The following IGSF1 variants were observed in gnomAD, a reference collection of about 807,000 sequenced individuals.
IGSF1 encodes the protein immunoglobulin superfamily member 1.
Under a neutral mutation model 95.3 loss-of-function variants are expected in IGSF1, and 40 were observed. The observed-to-expected ratio is 0.42, with a 90% CI of 0.33 to 0.55. The LOEUF is 0.55. Ranked by LOEUF, IGSF1 falls within the 20% of genes least tolerant of loss-of-function variation. The pLI is 0.10. For synonymous variants in IGSF1, 372 were observed against 382.9 expected (o/e 0.97, Z 0.33); for missense variants, 906 against 1,025.4 (o/e 0.88, Z 1.59).
intron 13 of IGSF1, 98 bp from the exon 14 acceptor site, chrX:131,277,324 G>C: frequency 1.2e-6 from 1 of 828,730 alleles, no homozygotes; most frequent in Non-Finnish European, 1.7e-6. Context: ...GCAAATATTG[G>C]TTCTCGGAGG....
chrX:131,287,384 C>T (rs2080659233), intron 1 of IGSF1, among the ~76,000 whole-genome samples: 1 of 109,959 alleles, frequency 9.1e-6, no homozygotes, highest in African/African-American at 3.3e-5. Context: ...GATTTAAACT[C>T]CCAGAGGTAC....
chrX:131,281,861 A>T lies in IGSF1; in HGVS notation c.1330T>A (p.Ser444Thr). 1.7e-6 allele frequency: 2 copies of T among 1,209,079 alleles called. No individual in the cohort carries two copies. The highest frequency in any genetic ancestry group is 2.2e-6 in the Non-Finnish European group (2 of 893,354). The change falls in exon 8 of 20, where the codon TCT (serine) becomes ACT (threonine). Residue 444 changes from serine to threonine, a missense_variant. This residue lies in a region of IGSF1 where 442 missense variants were observed against 448.1 expected (regional missense o/e 0.99). Transcript: ENST00000361420. ...AGAGAAAATTCCAGTACTGGATGAG[A>T]TACTCGGCACTGAAGGGTGATGGCC... The part of the protein sequence containing the change: ...GKAITLQCRV[S>T]HPVLEFSLEW...
Position 131,279,123 on chromosome X carries a change from C to G in IGSF1, c.1750+20G>C. The G allele has an allele frequency of 8.4e-7, 1 of 1,192,825 alleles. No homozygotes were observed. On this transcript the variant is annotated intron_variant, in intron 11 of 19. Transcript: ENST00000361420. ...GATCTCCAGGGAGGAATGTCCCAGTCTGGAGCAGGAAAAACTCACCAGTCT... is the reference window on the plus strand; with the variant it reads ...GATCTCCAGGGAGGAATGTCCCAGTGTGGAGCAGGAAAAACTCACCAGTCT...
rs772833108 is a variant in IGSF1, at chrX:131,285,396, G to A, written c.450C>T (p.Ile150=). Residue 150 remains isoleucine (I), a synonymous_variant, in exon 5 of 20, where the codon ATC becomes ATT. Transcript: ENST00000361420. ...TPALPGCNVN[I]LCHGWLQDLV... is the part of the protein sequence containing the mutation. Reference sequence around the variant, plus strand: ...AATCCTGCAGCCAGCCATGGCAGAGGATGTTAACATTACACCCAGGAAGAG... The same window carrying A: ...AATCCTGCAGCCAGCCATGGCAGAGAATGTTAACATTACACCCAGGAAGAG... 1.7e-6 allele frequency: 2 copies of A among 1,210,972 alleles called. No individual in the cohort carries two copies. Among genetic ancestry groups the A allele is most frequent in the Non-Finnish European group, 2.2e-6 (2 of 894,629 alleles).
chrX:131,282,297 C>T lies in IGSF1; in HGVS notation c.1246+147G>A, dbSNP rs2080572664. On this transcript the variant is annotated intron_variant, in intron 7 of 19. Transcript: ENST00000361420. ...AAAGTTTTGGAAGAAAGTTCTACAC[C>T]ACCTTCCTAGTGCGTGTGTGTGTGT... 22 of 465,512 alleles carry T rather than the reference C, an allele frequency of 4.7e-5. 1 individual carries two copies. The South Asian group carries it at 7.9e-4, about 17-fold the overall frequency. 38.4% of individuals were successfully genotyped at this position (465,512 alleles called of 1,213,427 possible). A position where few individuals can be genotyped will look rare whatever the true frequency, so the allele number is the denominator to read the frequency against.
chrX:131,279,244 G>A lies in IGSF1; in HGVS notation c.1717+27C>T. The A allele has an allele frequency of 5.0e-6, 6 of 1,208,199 alleles. No individual in the cohort carries two copies. In the South Asian group the frequency reaches 5.3e-5, roughly 11 times the overall value. The stretch of plus-strand genomic sequence containing the variant: ...GGGACTTCACCCCGGCCTTCTGCCC[G>A]GGGCCCCTTCCCCCACTTGTACTCA... On this transcript the variant is annotated intron_variant, in intron 10 of 19. Coordinates refer to ENST00000361420, the MANE Select transcript of IGSF1 (RefSeq NM_001555.5).
intron 15 of IGSF1, 93 bp downstream of exon 15, chrX:131,275,867 TC>T: frequency 8.8e-7 from 1 of 1,142,607 alleles, no homozygotes; most frequent in Non-Finnish European, 1.2e-6. Flanking sequence ...GTAGTTCCCC[TC>T]CGTGGCCTAG....
Position 131,282,623 on chromosome X carries a change from T to G in IGSF1, c.1067A>C (p.Lys356Thr). Reference sequence around the variant, plus strand: ...TTGAAGTGGTTTGTCTTCTCCTTTCTTATAGAGTGCAAGACCCACTCCATC... The same window carrying G: ...TTGAAGTGGTTTGTCTTCTCCTTTCGTATAGAGTGCAAGACCCACTCCATC... ...PVDGVGLALY[K>T]KGEDKPLQFL... The change falls in exon 7 of 20, where the codon AAG becomes ACG. Residue 356 changes from lysine to threonine, a missense_variant. Around this residue, in one of 5 missense-constraint regions of IGSF1, gnomAD observed 442 missense variants for 448.1 expected, o/e 0.99. Transcript: ENST00000361420. 4 of 1,210,668 alleles carry G rather than the reference T, an allele frequency of 3.3e-6. No homozygotes were observed. The highest frequency in any genetic ancestry group is 3.4e-6 in the Non-Finnish European group (3 of 894,562).
At chrX:131,282,306 A>AGT (rs1191840797) in intron 7 of IGSF1, 138 bp downstream of exon 7, 2 of 454,927 alleles carry the variant, frequency 4.4e-6, no homozygotes, top group Non-Finnish European at 7.2e-6. Flanking sequence ...CCACCTTCCT[A>AGT]GTGCGTGTGT....
chrX:131,275,454 C>A, intron 16 of IGSF1, 24 bp downstream of exon 16: 1 of 1,199,130 alleles, frequency 8.3e-7, no homozygotes, highest in South Asian at 1.8e-5. Context: ...CTTCCATGCC[C>A]ACTCGACAGC....
intron 14 of IGSF1, 67 bp from the exon 15 acceptor site, chrX:131,276,315 G>T: frequency 1.1e-6 from 1 of 944,016 alleles, no homozygotes; most frequent in Non-Finnish European, 1.5e-6. Flanking sequence ...GCCTTTTAAA[G>T]TGTTATTGTA....
intron 9 of IGSF1, among the ~76,000 whole-genome samples, chrX:131,280,418 CG>C (rs1406293505): frequency 3.6e-5 from 4 of 110,982 alleles, no homozygotes; most frequent in African/African-American, 1.3e-4. Flanking sequence ...AGTTGCAGGG[CG>C]GGGGGTACAG....
Position 131,281,706 on chromosome X carries a change from C to T in IGSF1, c.1485G>A (p.Trp495Ter). 8.3e-7 allele frequency: 1 copy of T among 1,211,199 alleles called. No individual in the cohort carries two copies. Among genetic ancestry groups the T allele is most frequent in the Non-Finnish European group, 1.1e-6 (1 of 895,116 alleles). ...GCTTCAGGGGCTCACTGCGATGTGACCAGATGTTAGGATGTGTCTCTACGC... is the reference window on the plus strand; with the variant it reads ...GCTTCAGGGGCTCACTGCGATGTGATCAGATGTTAGGATGTGTCTCTACGC... The part of the protein sequence containing the change: ...SYRVETHPNI[W>*]SHRSEPLKLM... Residue 495 changes from tryptophan to a stop codon, truncating the protein, a stop_gained, in exon 8 of 20, where the codon TGG becomes TGA. Coordinates refer to ENST00000361420, the MANE Select transcript of IGSF1 (RefSeq NM_001555.5). LOFTEE classifies it high-confidence loss of function.
In IGSF1 at chrX:131,276,064, A is replaced by G; in HGVS notation, c.2793T>C (p.Thr931=). 8.3e-7 allele frequency: 1 copy of G among 1,208,269 alleles called. No homozygotes were observed. The highest frequency in any genetic ancestry group is 1.1e-6 in the Non-Finnish European group (1 of 893,011). The change falls in exon 15 of 20, where the codon ACT becomes ACC. Residue 931 remains threonine, a synonymous_variant. Coordinates refer to ENST00000361420, the MANE Select transcript of IGSF1 (RefSeq NM_001555.5). ...AGTTCCCAGAGTCCTCTGCTCCAAC[A>G]GTGTGGAGAAGGAAGTCAGCTGAGT... ...SGNSADFLLH[T]VGAEDSGNYS...
At chrX:131,279,009 C>T in intron 11 of IGSF1, 134 bp downstream of exon 11, 1 of 745,347 alleles carries the variant, frequency 1.3e-6, no homozygotes. Flanking sequence ...ATTTTGCCAG[C>T]AGCTTTAGCA....
Position 131,277,827 on chromosome X carries a change from C to G in IGSF1, c.2320+29G>C, listed in dbSNP as rs200521746. On this transcript the variant is annotated intron_variant, in intron 13 of 19. Coordinates refer to ENST00000361420, the MANE Select transcript of IGSF1 (RefSeq NM_001555.5). ...TTTGCCTTTCCCTCCACCCTGCCCCCTTTCCTCCCACACCCTTTTCAGCTC... is the reference window on the plus strand; with the variant it reads ...TTTGCCTTTCCCTCCACCCTGCCCCGTTTCCTCCCACACCCTTTTCAGCTC... 2.6e-5 allele frequency: 31 copies of G among 1,192,203 alleles called. No homozygotes were observed. In the African/African-American group the frequency reaches 3.4e-4, roughly 13 times the overall value.
At chrX:131,285,145 A>G in intron 5 of IGSF1, 34 bp downstream of exon 5, 7 of 1,148,438 alleles carry the variant, frequency 6.1e-6, no homozygotes, top group Non-Finnish European at 8.1e-6. Context: ...TGGGACAACA[A>G]TTGCCAGATG....
chrX:131,277,792 G>A, intron 13 of IGSF1, 64 bp downstream of exon 13: 2 of 1,118,984 alleles, frequency 1.8e-6, no homozygotes, highest in Non-Finnish European at 2.4e-6. Flanking sequence ...AGGAGTGTCT[G>A]ACCCAGGGCT....
At chrX:131,289,384 G>C (rs751979286), upstream of IGSF1, 34 of 355,170 alleles carry the variant, frequency 9.6e-5, no homozygotes, top group East Asian at 7.1e-4. Flanking sequence ...TCCCCTCCCT[G>C]CGCCGGGCTC....
Sources: gnomAD v4.1 joint callset for allele counts (sites outside exome capture counted in the v4.1 genomes callset) on GRCh38, gnomAD v4.1.1 for gene constraint, gnomAD v4.1.1 regional missense constraint, MANE v1.5 for transcripts, NCBI Gene and HGNC (gene_info 2026-07-23, HGNC 2026-07-21) for gene names.